Variants in WDR83OS observed in about 807,000 individuals in gnomAD.
WDR83OS encodes the protein PAT complex subunit Asterix.
WDR83OS carries 15 observed loss-of-function variants against 13.7 expected under a neutral mutation model. The observed-to-expected ratio is 1.09, with a 90% CI of 0.73 to 1.69. WDR83OS has a LOEUF of 1.69. Among genes scored for constraint, WDR83OS ranks in the 40% most tolerant of loss-of-function variants. The pLI is 0.00. For synonymous variants in WDR83OS, 68 were observed against 52.9 expected, an observed-to-expected ratio of 1.29 and a Z score of -1.24; for missense variants, 145 against 143.2, an observed-to-expected ratio of 1.01 and a Z score of -0.06.
At position 12,668,560 on chromosome 19, in the gene WDR83OS, G is replaced by A. The variant is rs376672960; in HGVS notation, c.214C>T (p.Arg72Trp). The change falls in exon 3 of 4, where the codon CGG becomes TGG. Residue 72 changes from arginine (R) to tryptophan (W), a missense_variant. Arg to Trp is a moderately radical substitution (Grantham distance 101, BLOSUM62 -3). Transcript: ENST00000596731. ...ATTTGCTTCGTGTCCTCCGAGCTCC[G>A]AGAGTTGGCAAAGCTGATGAAGGAG... ...YCSFISFANS[R>W]SSEDTKQMMS... 63 of 1,613,966 alleles carry A rather than the reference G, an allele frequency of 3.9e-5. No homozygotes were observed. Among genetic ancestry groups the A allele is most frequent in the Non-Finnish European group, 4.8e-5 (57 of 1,180,024 alleles).
chr19:12,669,392 G>C lies in WDR83OS; in HGVS notation c.12C>G (p.Asn4Lys). MST[N>K]NMSDPRRPNK... ...TCGGCCTCCGTGGGTCCGACATATT[G>C]TTAGTGGACATAGCGAGTCGAAGGC... The change falls in exon 1 of 4, where the codon AAC becomes AAG. Residue 4 changes from asparagine to lysine, a missense_variant. Coordinates refer to ENST00000596731, the MANE Select transcript of WDR83OS (RefSeq NM_016145.4). 1 of 1,599,554 alleles carries C rather than the reference G, an allele frequency of 6.3e-7. No individual in the cohort carries two copies. The highest frequency in any genetic ancestry group is 8.5e-7 in the Non-Finnish European group (1 of 1,172,484).
In WDR83OS at chr19:12,668,211, G is replaced by A. The variant is rs184987522; in HGVS notation, c.*148C>T. ...TAAGCCTAGGGTGTTCCCTAGGAAA[G>A]GGCCAGGTTCCCTCTATCCAGCTGG... On this transcript the variant is annotated 3_prime_UTR_variant, in exon 4 of 4. Coordinates refer to ENST00000596731, the MANE Select transcript of WDR83OS (RefSeq NM_016145.4). The A allele has an allele frequency of 1.2e-3, 891 of 768,254 alleles. 8 individuals carry two copies. In the African/African-American group the frequency reaches 0.014, roughly 12 times the overall value. 47.6% of individuals were successfully genotyped at this position (768,254 alleles called of 1,614,324 possible).
rs762512697 is a variant in WDR83OS, at chr19:12,668,637, T to G, written c.157-20A>C. ...CTTCAGCTAGGGAAAGGTAAGTGGG[T>G]GGGCAGGTTAGTGAAAGGCACAACA... On this transcript the variant is annotated intron_variant, in intron 2 of 3. Coordinates refer to ENST00000596731, the MANE Select transcript of WDR83OS (RefSeq NM_016145.4). 1.2e-6 allele frequency: 2 copies of G among 1,608,956 alleles called. No individual in the cohort carries two copies. The highest frequency in any genetic ancestry group is 1.7e-6 in the Non-Finnish European group (2 of 1,176,066).
At position 12,668,722 on chromosome 19, in the gene WDR83OS, C is replaced by T. The variant is rs954352580; in HGVS notation, c.157-105G>A. 18 of 956,048 alleles carry T rather than the reference C, an allele frequency of 1.9e-5. No individual in the cohort carries two copies. In the East Asian group the frequency reaches 4.4e-4, roughly 23 times the overall value. 59.2% of individuals were successfully genotyped at this position (956,048 alleles called of 1,614,324 possible). A position where few individuals can be genotyped will look rare whatever the true frequency, so the allele number is the denominator to read the frequency against. Reference sequence around the variant, plus strand: ...TCATGCCCACTGATTCCATCTGATGCAGCTGGGACCTTGCCCCACCCGGAA... The same window carrying T: ...TCATGCCCACTGATTCCATCTGATGTAGCTGGGACCTTGCCCCACCCGGAA... On this transcript the variant is annotated intron_variant, in intron 2 of 3. Transcript: ENST00000596731.
At position 12,668,326 on chromosome 19, in the gene WDR83OS, C is replaced by G; in HGVS notation, c.*33G>C. 6.3e-7 allele frequency: 1 copy of G among 1,592,748 alleles called. No individual in the cohort carries two copies. The highest frequency in any genetic ancestry group is 1.1e-5 in the South Asian group (1 of 87,984). On this transcript the variant is annotated 3_prime_UTR_variant, in exon 4 of 4. Transcript: ENST00000596731. ...CCAAAGCCCAGGCCTAGTGGATAGA[C>G]AGGGTCCAAAATGTGACCCTTCTAG... is the stretch of plus-strand genomic sequence containing the variant.
Position 12,668,578 on chromosome 19 carries a change from TGAA to T in WDR83OS, c.193_195del (p.Phe65del). On this transcript the variant is annotated inframe_deletion, in exon 3 of 4. Coordinates refer to ENST00000596731, the MANE Select transcript of WDR83OS (RefSeq NM_016145.4). ...GAGCTCCGAGAGTTGGCAAAGCTGA[TGAA>T]GGAGCAGTAGACAGCGACCCAAGCA... 6.2e-7 allele frequency: 1 copy of T among 1,613,972 alleles called. No individual in the cohort carries two copies. The highest frequency in any genetic ancestry group is 1.1e-5 in the South Asian group (1 of 91,068).
chr19:12,668,193 A>C lies in WDR83OS; in HGVS notation c.*166T>G. Reference sequence around the variant, plus strand: ...GAAGGGAGGCAGGAGGGGTAAGCCTAGGGTGTTCCCTAGGAAAGGGCCAGG... The same window carrying C: ...GAAGGGAGGCAGGAGGGGTAAGCCTCGGGTGTTCCCTAGGAAAGGGCCAGG... On this transcript the variant is annotated 3_prime_UTR_variant, in exon 4 of 4. Coordinates refer to ENST00000596731, the MANE Select transcript of WDR83OS (RefSeq NM_016145.4). The C allele has an allele frequency of 1.5e-6, 1 of 661,494 alleles. No homozygotes were observed. Among genetic ancestry groups the C allele is most frequent in the Non-Finnish European group, 2.6e-6 (1 of 386,236 alleles). The allele number at this position is 661,494 out of a possible 1,614,324, so 41.0% of individuals were successfully genotyped here. A position where few individuals can be genotyped will look rare whatever the true frequency, so the allele number is the denominator to read the frequency against.
rs1372377105 is a variant in WDR83OS at position 12,668,318 on chromosome 19, T to C, written c.*41A>G. 8 of 1,583,506 alleles carry C rather than the reference T, an allele frequency of 5.1e-6. 1 individual carries two copies. Among genetic ancestry groups the C allele is most frequent in the South Asian group, 2.3e-5 (2 of 87,294 alleles). The stretch of plus-strand genomic sequence containing the variant: ...TTTAGCAGCCAAAGCCCAGGCCTAG[T>C]GGATAGACAGGGTCCAAAATGTGAC... On this transcript the variant is annotated 3_prime_UTR_variant, in exon 4 of 4. Transcript: ENST00000596731.
Position 12,668,188 on chromosome 19 carries a change from A to G in WDR83OS, c.*171T>C, listed in dbSNP as rs11557234. The G allele has an allele frequency of 7.5e-3, 4,686 of 628,878 alleles. 180 individuals carry two copies. The African/African-American group carries it at 0.077, about 10-fold the overall frequency. 39.0% of individuals were successfully genotyped at this position (628,878 alleles called of 1,614,324 possible). Reference sequence around the variant, plus strand: ...CAGGGGAAGGGAGGCAGGAGGGGTAAGCCTAGGGTGTTCCCTAGGAAAGGG... The same window carrying G: ...CAGGGGAAGGGAGGCAGGAGGGGTAGGCCTAGGGTGTTCCCTAGGAAAGGG... On this transcript the variant is annotated 3_prime_UTR_variant, in exon 4 of 4. Transcript: ENST00000596731.
Position 12,668,561 on chromosome 19 carries a change from A to C in WDR83OS, c.213T>G (p.Ser71=). The stretch of plus-strand genomic sequence containing the variant: ...TTTGCTTCGTGTCCTCCGAGCTCCG[A>C]GAGTTGGCAAAGCTGATGAAGGAGC... ...VYCSFISFAN[S]RSSEDTKQMM... The change falls in exon 3 of 4, where the codon TCT becomes TCG. Residue 71 remains serine, a synonymous_variant. Transcript: ENST00000596731. 2 of 1,614,098 alleles carry C rather than the reference A, an allele frequency of 1.2e-6. No homozygotes were observed. The highest frequency in any genetic ancestry group is 1.7e-6 in the Non-Finnish European group (2 of 1,180,006).
intron 3 of WDR83OS, 40 bp from the exon 4 acceptor site, chr19:12,668,465 TG>T (rs770650587): frequency 1.2e-6 from 2 of 1,613,264 alleles, no homozygotes; most frequent in African/African-American, 2.7e-5. Context: ...ATGGCCAGGC[TG>T]GGGTCCCCCC....
chr19:12,668,853 C>A (rs561765302), intron 2 of WDR83OS, among the ~76,000 whole-genome samples: 1 of 152,168 alleles, frequency 6.6e-6, no homozygotes, highest in Admixed American at 6.5e-5. Context: ...ATCCCACATG[C>A]TTAAGACCCT....
chr19:12,668,098 A>C lies in WDR83OS; in HGVS notation c.*261T>G. The stretch of plus-strand genomic sequence containing the variant: ...CAGAGTGAAAAACTTTATTAACAAC[A>C]GGTTTCAACGAGAAAGCAAATGAAT... On this transcript the variant is annotated 3_prime_UTR_variant, in exon 4 of 4. Transcript: ENST00000596731. 2.2e-6 allele frequency: 1 copy of C among 446,432 alleles called. No homozygotes were observed. Among genetic ancestry groups the C allele is most frequent in the Non-Finnish European group, 4.1e-6 (1 of 242,406 alleles). 27.7% of individuals were successfully genotyped at this position (446,432 alleles called of 1,614,324 possible). A position where few individuals can be genotyped will look rare whatever the true frequency, so the allele number is the denominator to read the frequency against.
At chr19:12,668,753 C>A in intron 2 of WDR83OS, 136 bp from the exon 3 acceptor site, 1 of 729,252 alleles carries the variant, frequency 1.4e-6, no homozygotes. Context: ...CGGAATTCCT[C>A]AGTCCCACCT....
chr19:12,668,558 C>A lies in WDR83OS; in HGVS notation c.216G>T (p.Arg72=). The A allele has an allele frequency of 6.2e-7, 1 of 1,614,104 alleles. No homozygotes were observed. The highest frequency in any genetic ancestry group is 1.1e-5 in the South Asian group (1 of 91,082). ...TCATTTGCTTCGTGTCCTCCGAGCT[C>A]CGAGAGTTGGCAAAGCTGATGAAGG... is the stretch of plus-strand genomic sequence containing the variant. The part of the protein sequence containing the change: ...YCSFISFANS[R]SSEDTKQMMS... The change falls in exon 3 of 4, where the codon CGG becomes CGT. Residue 72 remains arginine, a synonymous_variant. Transcript: ENST00000596731.
In WDR83OS at chr19:12,668,555, G is replaced by A; in HGVS notation, c.219C>T (p.Ser73=). 4 of 1,614,138 alleles carry A rather than the reference G, an allele frequency of 2.5e-6. No homozygotes were observed. Among genetic ancestry groups the A allele is most frequent in the Non-Finnish European group, 3.4e-6 (4 of 1,180,028 alleles). Residue 73 remains serine, a synonymous_variant, in exon 3 of 4, where the codon AGC becomes AGT. Transcript: ENST00000596731. ...TCATCATTTGCTTCGTGTCCTCCGA[G>A]CTCCGAGAGTTGGCAAAGCTGATGA... ...CSFISFANSR[S]SEDTKQMMSS... is the part of the protein sequence containing the mutation.
At chr19:12,668,678 C>A (rs2024325411) in intron 2 of WDR83OS, 61 bp from the exon 3 acceptor site, 3 of 1,414,046 alleles carry the variant, frequency 2.1e-6, no homozygotes, top group Admixed American at 1.8e-5. Flanking sequence ...TCCCCGAAGC[C>A]ACCTTTCCAG....
intron 2 of WDR83OS, 37 bp from the exon 3 acceptor site, chr19:12,668,654 G>A: frequency 1.3e-6 from 2 of 1,577,868 alleles, no homozygotes; most frequent in Non-Finnish European, 1.7e-6. Flanking sequence ...GTTAGTGAAA[G>A]GCACAACAAT....
chr19:12,669,188 C>A lies in WDR83OS; in HGVS notation c.96G>T (p.Pro32=), dbSNP rs1200684187. 1 of 1,614,020 alleles carries A rather than the reference C, an allele frequency of 6.2e-7. No homozygotes were observed. Among genetic ancestry groups the A allele is most frequent in the Non-Finnish European group, 8.5e-7 (1 of 1,180,040 alleles). ...PSECNPALDD[P]TPDYMNLLGM... Reference sequence around the variant, plus strand: ...CCAGCAGGTTCATGTAGTCCGGCGTCGGGTCGTCCAAGGCCGGGTTACATT... The same window carrying A: ...CCAGCAGGTTCATGTAGTCCGGCGTAGGGTCGTCCAAGGCCGGGTTACATT... Residue 32 remains proline (P), a synonymous_variant, in exon 2 of 4, where the codon CCG becomes CCT. Transcript: ENST00000596731.
Sources: allele counts gnomAD v4.1 joint callset (sites outside exome capture counted in the v4.1 genomes callset), GRCh38; gene constraint gnomAD v4.1.1; transcripts MANE v1.5; gene names NCBI Gene and HGNC (gene_info 2026-07-23, HGNC 2026-07-21).